The following PAX5 variants were observed in gnomAD, a reference collection of about 807,000 sequenced individuals.
PAX5 encodes paired box protein Pax-5.
In PAX5, 9 loss-of-function variants were observed where a neutral mutation model predicts 43.7. The ratio of observed to expected loss-of-function variants is 0.21; its 90% CI spans 0.12 to 0.36. The LOEUF is 0.36. PAX5 is among the 10% of genes least tolerant of loss of function. The pLI is 1.00. For synonymous variants in PAX5, 228 were observed against 214.3 expected, an observed-to-expected ratio of 1.06 and a Z score of -0.56; for missense variants, 383 against 532.7, an observed-to-expected ratio of 0.72 and a Z score of 2.77.
At chr9:36,942,548 CA>C (rs999140311) in intron 6 of PAX5, among the ~76,000 whole-genome samples, 1 of 152,176 alleles carries the variant, frequency 6.6e-6, no homozygotes, top group African/African-American at 2.4e-5. Flanking sequence ...GAGGAGGACC[CA>C]GGGGTGGGAC....
chr9:36,863,914 GC>G (rs1276972642), intron 8 of PAX5, among the ~76,000 whole-genome samples: 2 of 152,204 alleles, frequency 1.3e-5, no homozygotes, highest in African/African-American at 2.4e-5. Flanking sequence ...CTCAAGACCA[GC>G]CTGGCCAACA....
chr9:36,916,244 C>T (rs913888025), intron 7 of PAX5, among the ~76,000 whole-genome samples: 1 of 152,150 alleles, frequency 6.6e-6, no homozygotes, highest in Non-Finnish European at 1.5e-5. Flanking sequence ...ATTTCAAATG[C>T]TGCATTTGTG....
chr9:36,916,433 G>A (rs1239166454), intron 7 of PAX5, among the ~76,000 whole-genome samples: 2 of 151,980 alleles, frequency 1.3e-5, no homozygotes, highest in Admixed American at 6.6e-5. Context: ...GTATTAATTT[G>A]TCTATTATTT....
In PAX5 at chr9:36,892,709, G is replaced by A. The variant is rs557686817; in HGVS notation, c.911-10604C>T. On this transcript the variant is annotated intron_variant, in intron 7 of 9. Coordinates refer to ENST00000358127, the MANE Select transcript of PAX5 (RefSeq NM_016734.3). ...CACCAAGATATTTCATGGGAAGGAA[G>A]GAAGGCAGCAATCCTTATTGCTGGG... is the stretch of plus-strand genomic sequence containing the variant. Among the ~76,000 whole-genome samples the A allele has an allele frequency of 2.6e-5, 4 of 152,336 alleles. No individual in the cohort carries two copies. In the East Asian group the frequency reaches 5.8e-4, roughly 22 times the overall value.
At chr9:37,001,950 C>T (rs1249191672) in intron 5 of PAX5, among the ~76,000 whole-genome samples, 2 of 151,492 alleles carry the variant, frequency 1.3e-5, no homozygotes, top group African/African-American at 2.4e-5. Flanking sequence ...TTAAGGTGTC[C>T]GGTGTCCAGG....
chr9:36,976,771 C>T (rs944784033), intron 5 of PAX5, among the ~76,000 whole-genome samples: 4 of 152,206 alleles, frequency 2.6e-5, no homozygotes, highest in East Asian at 1.9e-4. Context: ...CCGATTGTGC[C>T]GGGTGTTACC....
intron 1 of PAX5, among the ~76,000 whole-genome samples, chr9:37,031,525 G>C (rs189026919): frequency 2.2e-4 from 34 of 152,224 alleles, no homozygotes; most frequent in African/African-American, 6.5e-4. Context: ...ACTACTACTT[G>C]TCCAAGTAGT....
At chr9:36,863,392 G>T (rs188798364) in intron 8 of PAX5, among the ~76,000 whole-genome samples, 1 of 152,212 alleles carries the variant, frequency 6.6e-6, no homozygotes, top group African/African-American at 2.4e-5. Context: ...GCCTCCCCGA[G>T]TGCTGGGATT....
intron 1 of PAX5, 87 bp from the exon 2 acceptor site, chr9:37,020,888 C>T (rs1189437027): frequency 1.4e-6 from 2 of 1,415,792 alleles, no homozygotes. Flanking sequence ...ACCCAGAGCC[C>T]CTCTGATCAC....
At chr9:36,965,644 A>G (rs1256740206) in intron 6 of PAX5, among the ~76,000 whole-genome samples, 1 of 152,202 alleles carries the variant, frequency 6.6e-6, no homozygotes, top group Non-Finnish European at 1.5e-5. Flanking sequence ...TCTAATTAGC[A>G]TTTAGAGGAA....
intron 3 of PAX5, 118 bp downstream of exon 3, chr9:37,014,879 C>A (rs1839261743): frequency 1.1e-6 from 1 of 915,876 alleles, no homozygotes; most frequent in East Asian, 2.4e-5. Context: ...TGTTCAGTAA[C>A]CCCTAAGGGG....
intron 6 of PAX5, among the ~76,000 whole-genome samples, chr9:36,951,402 C>T (rs7864617): frequency 0.21 from 32,348 of 152,012 alleles, 3,737 homozygotes; most frequent in African/African-American, 0.28. Context: ...ACTCTGTTGC[C>T]AAGTGCGTAC....
rs966082163 is a variant in PAX5 at position 36,840,606 on chromosome 9, C to T, written c.1130G>A (p.Arg377Gln). ...GSPYYYSAAA[R>Q]GAAPPAAATA... is the part of the protein sequence containing the mutation. ...GGCGGCTGCAGGTGGGGCGGCTCCT[C>T]GGGCGGCAGCGCTATAATAGTAGGG... The change falls in exon 10 of 10, where the codon CGA becomes CAA. Residue 377 changes from arginine to glutamine, a missense_variant. Transcript: ENST00000358127. 5 of 1,579,310 alleles carry T rather than the reference C, an allele frequency of 3.2e-6. No individual in the cohort carries two copies. The highest frequency in any genetic ancestry group is 2.3e-5 in the East Asian group (1 of 43,672).
intron 7 of PAX5, among the ~76,000 whole-genome samples, chr9:36,894,670 C>CA (rs1362699042): frequency 6.6e-6 from 1 of 152,176 alleles, no homozygotes; most frequent in Admixed American, 6.5e-5. Flanking sequence ...ATTAAATTAA[C>CA]AAATACAGGT....
intron 8 of PAX5, among the ~76,000 whole-genome samples, chr9:36,858,870 G>C (rs187485620): frequency 5.3e-5 from 8 of 152,296 alleles, no homozygotes; most frequent in Non-Finnish European, 8.8e-5. Context: ...CAGCGCTGAG[G>C]CCTGAATGTC....
At chr9:36,854,787 C>T (rs531834463) in intron 8 of PAX5, among the ~76,000 whole-genome samples, 25 of 152,346 alleles carry the variant, frequency 1.6e-4, no homozygotes, top group Non-Finnish European at 2.8e-4. Context: ...CCCACCAGCT[C>T]AGGCCAGCCA....
In PAX5 at chr9:36,833,761, A is replaced by G; in HGVS notation, c.*6799T>C. On this transcript the variant is annotated 3_prime_UTR_variant, in exon 10 of 10. Transcript: ENST00000358127. The stretch of plus-strand genomic sequence containing the variant: ...GAAAAAAAGAATACAAAACATACAC[A>G]TTTTTTAAGAAGCATTTTTTTTTTT... 4.3e-6 allele frequency: 1 copy of G among 232,684 alleles called. No homozygotes were observed. Among genetic ancestry groups the G allele is most frequent in the Non-Finnish European group, 8.5e-6 (1 of 117,908 alleles). The allele number at this position is 232,684 out of a possible 1,614,324, so 14.4% of individuals were successfully genotyped here. A position where few individuals can be genotyped will look rare whatever the true frequency, so the allele number is the denominator to read the frequency against.
intron 8 of PAX5, among the ~76,000 whole-genome samples, chr9:36,854,629 C>G (rs569816977): frequency 5.5e-4 from 84 of 152,296 alleles, no homozygotes; most frequent in Non-Finnish European, 1.1e-3. Flanking sequence ...GCCTCTCCCC[C>G]TCGCAGGCCA....
At chr9:36,923,197 C>A (rs1380218669) in intron 7 of PAX5, 158 bp downstream of exon 7, 10 of 799,746 alleles carry the variant, frequency 1.3e-5, no homozygotes, top group Non-Finnish European at 1.8e-5. Context: ...CAGCTGCAAC[C>A]CTGGCCCCAG....
Sources: gnomAD v4.1 joint callset for allele counts (sites outside exome capture counted in the v4.1 genomes callset) on GRCh38, gnomAD v4.1.1 for gene constraint, MANE v1.5 for transcripts, NCBI Gene and HGNC (gene_info 2026-07-23, HGNC 2026-07-21) for gene names.